The following DCLRE1C variants were observed in gnomAD, a reference collection of about 807,000 sequenced individuals.
DCLRE1C encodes DNA cross-link repair 1C, also known as protein artemis.
Under a neutral mutation model 61.4 loss-of-function variants are expected in DCLRE1C, and 47 were observed. The observed-to-expected ratio is 0.77, with a 90% confidence interval of 0.61 to 0.98. DCLRE1C has a LOEUF of 0.98. DCLRE1C is among the 50% of genes least tolerant of loss of function. The pLI is 0.00. For missense variants in DCLRE1C, 858 were observed against 816.0 expected, an observed-to-expected ratio of 1.05 and a Z score of -0.63; for synonymous variants, 337 against 287.6, an observed-to-expected ratio of 1.17 and a Z score of -1.74.
intron 13 of DCLRE1C, chr10:14,911,308 A>G (rs917125648): frequency 1.3e-5 from 2 of 152,228 alleles, no homozygotes; most frequent in African/African-American, 4.8e-5. Context: ...AAAATTAACC[A>G]TATACTAAAT....
At chr10:14,934,346 A>G (rs1164416368) in intron 8 of DCLRE1C, 34 bp downstream of exon 8, 4 of 1,598,770 alleles carry the variant, frequency 2.5e-6, no homozygotes, top group Admixed American at 3.6e-5. Flanking sequence ...AAAAAAAAGA[A>G]AAAAGAAAAG....
At position 14,945,096 on chromosome 10, in the gene DCLRE1C, A is replaced by T. The variant is rs774905917; in HGVS notation, c.246+9T>A. On this transcript the variant is annotated intron_variant, in intron 3 of 13. Transcript: ENST00000378278. ...AAAAAAATTAAGTTATTAAAAAAATAAAACTTACAATTCGTTTCTTCCAAA... is the reference window on the plus strand; with the variant it reads ...AAAAAAATTAAGTTATTAAAAAAATTAAACTTACAATTCGTTTCTTCCAAA... The T allele has an allele frequency of 6.2e-7, 1 of 1,603,822 alleles. No individual in the cohort carries two copies. The highest frequency in any genetic ancestry group is 8.5e-7 in the Non-Finnish European group (1 of 1,174,348).
intron 2 of DCLRE1C, among the ~76,000 whole-genome samples, chr10:14,948,529 CATAG>C (rs1842010644): frequency 6.6e-6 from 1 of 152,042 alleles, no homozygotes; most frequent in South Asian, 2.1e-4. Flanking sequence ...TACCTAGCAG[CATAG>C]ATAAATCACA....
rs41299660 is a variant in DCLRE1C, at chr10:14,922,847, A to T, written c.1061+134T>A. ...AAGGAAACACTCCAGGAAAAAATGG[A>T]AATGAGTATCAGTTCAGAAATGTCC... On this transcript the variant is annotated intron_variant, in intron 12 of 13. Transcript: ENST00000378278. The T allele has an allele frequency of 1.8e-4, 126 of 714,428 alleles. No homozygotes were observed. In the African/African-American group the frequency reaches 1.9e-3, roughly 11 times the overall value. The allele number at this position is 714,428 out of a possible 1,614,324, so 44.3% of individuals were successfully genotyped here. A position where few individuals can be genotyped will look rare whatever the true frequency, so the allele number is the denominator to read the frequency against.
At position 14,924,690 on chromosome 10, in the gene DCLRE1C, T is replaced by C. The variant is rs142252384; in HGVS notation, c.973-1621A>G. On this transcript the variant is annotated intron_variant, in intron 11 of 13. Coordinates refer to ENST00000378278, the MANE Select transcript of DCLRE1C (RefSeq NM_001033855.3). ...GGTGAAACCCCGTCTCTACTAAAAATACAAAAAATTAGCTGGGTGTGGTCG... is the reference window on the plus strand; with the variant it reads ...GGTGAAACCCCGTCTCTACTAAAAACACAAAAAATTAGCTGGGTGTGGTCG... Among the ~76,000 whole-genome samples the C allele has an allele frequency of 6.2e-3, 942 of 151,776 alleles. 8 individuals carry two copies. Among genetic ancestry groups the C allele is most frequent in the African/African-American group, 0.022 (890 of 41,370 alleles).
Position 14,908,018 on chromosome 10 carries a change from T to C in DCLRE1C, c.*390A>G. 5.5e-6 allele frequency: 1 copy of C among 182,680 alleles called. No individual in the cohort carries two copies. 11.3% of individuals were successfully genotyped at this position (182,680 alleles called of 1,614,324 possible). A position where few individuals can be genotyped will look rare whatever the true frequency, so the allele number is the denominator to read the frequency against. Reference sequence around the variant, plus strand: ...CTGGGATTACAGGCATGAGCCACCGTGCCTGGCCTTTTTCTTTTTTAAACA... The same window carrying C: ...CTGGGATTACAGGCATGAGCCACCGCGCCTGGCCTTTTTCTTTTTTAAACA... On this transcript the variant is annotated 3_prime_UTR_variant, in exon 14 of 14. Coordinates refer to ENST00000378278, the MANE Select transcript of DCLRE1C (RefSeq NM_001033855.3).
intron 13 of DCLRE1C, among the ~76,000 whole-genome samples, chr10:14,913,542 A>G (rs1289855501): frequency 6.6e-6 from 1 of 152,240 alleles, no homozygotes; most frequent in African/African-American, 2.4e-5. Flanking sequence ...TTGGAGTAAT[A>G]TATCATTTAT....
downstream of DCLRE1C, chr10:14,902,611 C>G (rs974245615): frequency 6.3e-5 from 46 of 733,392 alleles, no homozygotes; most frequent in Non-Finnish European, 6.5e-5. Flanking sequence ...AAGGTTCTAC[C>G]TATGTTAATT....
rs766998490 is a variant in DCLRE1C, at chr10:14,954,052, T to C, written c.-42A>G. The C allele has an allele frequency of 5.0e-6, 8 of 1,612,394 alleles. No individual in the cohort carries two copies. Among genetic ancestry groups the C allele is most frequent in the Non-Finnish European group, 6.8e-6 (8 of 1,179,706 alleles). On this transcript the variant is annotated 5_prime_UTR_variant, in exon 1 of 14. Transcript: ENST00000378278. ...GAGTCCGGGACCCCAAAACCGCAGCTGAAGCCAAGGCCAGCCCTGACCGCG... is the reference window on the plus strand; with the variant it reads ...GAGTCCGGGACCCCAAAACCGCAGCCGAAGCCAAGGCCAGCCCTGACCGCG...
intron 13 of DCLRE1C, among the ~76,000 whole-genome samples, chr10:14,916,913 C>G (rs550189756): frequency 6.6e-6 from 1 of 152,208 alleles, no homozygotes; most frequent in African/African-American, 2.4e-5. Context: ...GCGTATGATT[C>G]TAAAATTCAT....
chr10:14,919,151 T>C (rs892262591), intron 13 of DCLRE1C, among the ~76,000 whole-genome samples: 1 of 152,118 alleles, frequency 6.6e-6, no homozygotes. Context: ...AAATCAAGAA[T>C]CCTAACCACG....
At chr10:14,936,865 C>A (rs755589649) in intron 4 of DCLRE1C, among the ~76,000 whole-genome samples, 10 of 152,338 alleles carry the variant, frequency 6.6e-5, no homozygotes, top group Non-Finnish European at 1.3e-4. Context: ...TGACTGTTCA[C>A]AGCAGCATTC....
In DCLRE1C at chr10:14,934,694, C is replaced by A; in HGVS notation, c.537+9G>T. 1.2e-6 allele frequency: 2 copies of A among 1,613,656 alleles called. No individual in the cohort carries two copies. Among genetic ancestry groups the A allele is most frequent in the Non-Finnish European group, 1.7e-6 (2 of 1,179,578 alleles). On this transcript the variant is annotated intron_variant, in intron 7 of 13. Transcript: ENST00000378278. ...CAGATGATAACCCTGTTCCTCCAGGCAGACTTACCCGACTTGGAATTTGGT... is the reference window on the plus strand; with the variant it reads ...CAGATGATAACCCTGTTCCTCCAGGAAGACTTACCCGACTTGGAATTTGGT...
chr10:14,928,031 G>C lies in DCLRE1C; in HGVS notation c.902C>G (p.Thr301Arg). 6.2e-7 allele frequency: 1 copy of C among 1,613,760 alleles called. No homozygotes were observed. Among genetic ancestry groups the C allele is most frequent in the Non-Finnish European group, 8.5e-7 (1 of 1,179,890 alleles). Residue 301 changes from threonine to arginine, a missense_variant, in exon 10 of 14, where the codon ACA (threonine) becomes AGA (arginine). Coordinates refer to ENST00000378278, the MANE Select transcript of DCLRE1C (RefSeq NM_001033855.3). The stretch of plus-strand genomic sequence containing the variant: ...GCTCTCTTACCTCACAATTACATTT[G>C]TTTTTCTGCTCCTTTCTCCAAACCA... ...TMWFGERSRK[T>R]NVIVRTGESS...
chr10:14,909,407 T>C (rs1046038783), intron 13 of DCLRE1C, 77 bp from the exon 14 acceptor site: 12 of 1,349,844 alleles, frequency 8.9e-6, no homozygotes, highest in Non-Finnish European at 1.1e-5. Flanking sequence ...GTACTTTTAA[T>C]TCTTGGAATT....
rs774905917 is a variant in DCLRE1C at position 14,945,096 on chromosome 10, A to G, written c.246+9T>C. 1 of 1,603,822 alleles carries G rather than the reference A, an allele frequency of 6.2e-7. No individual in the cohort carries two copies. Among genetic ancestry groups the G allele is most frequent in the Admixed American group, 1.7e-5 (1 of 59,432 alleles). ...AAAAAAATTAAGTTATTAAAAAAAT[A>G]AAACTTACAATTCGTTTCTTCCAAA... is the stretch of plus-strand genomic sequence containing the variant. On this transcript the variant is annotated intron_variant, in intron 3 of 13. Coordinates refer to ENST00000378278, the MANE Select transcript of DCLRE1C (RefSeq NM_001033855.3).
At chr10:14,918,148 G>A (rs1486486938) in intron 13 of DCLRE1C, among the ~76,000 whole-genome samples, 1 of 152,198 alleles carries the variant, frequency 6.6e-6, no homozygotes, top group Non-Finnish European at 1.5e-5. Flanking sequence ...TCTTAGGTGT[G>A]AAAGCCTACG....
chr10:14,916,389 A>C (rs890028602), intron 13 of DCLRE1C, among the ~76,000 whole-genome samples: 1 of 152,250 alleles, frequency 6.6e-6, no homozygotes, highest in Admixed American at 6.5e-5. Context: ...GCAAGGTTGC[A>C]GGATACAAGA....
intron 3 of DCLRE1C, among the ~76,000 whole-genome samples, chr10:14,941,313 C>G (rs1564460766): frequency 2.6e-5 from 4 of 152,296 alleles, no homozygotes; most frequent in East Asian, 3.9e-4. Flanking sequence ...GAGACAGGCT[C>G]TCGCTGTGTT....
Sources: allele counts gnomAD v4.1 joint callset (sites outside exome capture counted in the v4.1 genomes callset), GRCh38; gene constraint gnomAD v4.1.1; transcripts MANE v1.5; gene names NCBI Gene and HGNC (gene_info 2026-07-23, HGNC 2026-07-21).